The following RCSD1 variants were observed in gnomAD, a reference collection of about 807,000 sequenced individuals.
The protein encoded by RCSD1 is RCSD domain containing 1.
A neutral mutation model predicts 42.5 loss-of-function variants in RCSD1; 26 were observed. The observed-to-expected ratio is 0.61, with a 90% CI of 0.45 to 0.85. RCSD1 has a LOEUF of 0.85. RCSD1 is among the 40% of genes least tolerant of loss of function. RCSD1 has a pLI of 0.00. For synonymous variants in RCSD1, 220 were observed against 212.2 expected, an observed-to-expected ratio of 1.04 and a Z score of -0.32; for missense variants, 571 against 528.3, an observed-to-expected ratio of 1.08 and a Z score of -0.79.
At chr1:167,678,297 C>T (rs1269152030) in intron 1 of RCSD1, among the ~76,000 whole-genome samples, 4 of 152,164 alleles carry the variant, frequency 2.6e-5, no homozygotes, top group Non-Finnish European at 5.9e-5. Flanking sequence ...ATATATTCAA[C>T]CTCCTGCATT....
intron 5 of RCSD1, among the ~76,000 whole-genome samples, chr1:167,695,709 AG>A (rs1209613850): frequency 1.3e-5 from 2 of 151,994 alleles, no homozygotes; most frequent in East Asian, 3.9e-4. Context: ...TTGTAGAGAC[AG>A]GGTTTTGCCA....
Position 167,683,996 on chromosome 1 carries a change from A to G in RCSD1, c.103A>G (p.Lys35Glu). The G allele has an allele frequency of 6.2e-7, 1 of 1,613,140 alleles. No individual in the cohort carries two copies. The highest frequency in any genetic ancestry group is 2.2e-5 in the East Asian group (1 of 44,864). ...GRFREQAAAA[K>E]ETPASKPTRR... ...GTTTAGGGAGCAGGCGGCTGCAGCCAAGGAGGTGAGTCAGGCCGCTTCAGA... is the reference window on the plus strand; with the variant it reads ...GTTTAGGGAGCAGGCGGCTGCAGCCGAGGAGGTGAGTCAGGCCGCTTCAGA... The change falls in exon 2 of 7, where the codon AAG becomes GAG. Residue 35 changes from lysine to glutamate, a missense_variant. Physicochemically the swap from Lys to Glu is moderately conservative, Grantham distance 56. Coordinates refer to ENST00000367854, the MANE Select transcript of RCSD1 (RefSeq NM_052862.4).
chr1:167,693,413 C>T (rs1473799322), intron 4 of RCSD1, among the ~76,000 whole-genome samples: 1 of 152,224 alleles, frequency 6.6e-6, no homozygotes, highest in East Asian at 1.9e-4. Context: ...ATTTGGCTGC[C>T]TTTCATTTTG....
chr1:167,637,237 A>T (rs1488069496), intron 1 of RCSD1, among the ~76,000 whole-genome samples: 8 of 152,224 alleles, frequency 5.3e-5, no homozygotes, highest in Admixed American at 5.2e-4. Flanking sequence ...CACGGTGTGC[A>T]TGGGAAATAA....
Position 167,655,294 on chromosome 1 carries a change from C to A in RCSD1, c.6+24865C>A, listed in dbSNP as rs192457270. Among the ~76,000 whole-genome samples, 309 of 152,300 alleles carry A rather than the reference C, an allele frequency of 2.0e-3. 2 individuals are homozygous for A. The highest frequency in any genetic ancestry group is 3.7e-3 in the Admixed American group (57 of 15,296). On this transcript the variant is annotated intron_variant, in intron 1 of 6. Coordinates refer to ENST00000367854, the MANE Select transcript of RCSD1 (RefSeq NM_052862.4). ...AGGGTTGGCCCACAGGAGAGAGGTG[C>A]TTTGCAGAGAGGAAATGGCTCAAAC...
rs1438274313 is a variant in RCSD1, at chr1:167,685,448, A to G, written c.136A>G (p.Lys46Glu). The part of the protein sequence containing the change: ...ETPASKPTRR[K>E]PPCSLPLFPP... ...ACCAGCCAGTAAACCAACCCGAAGG[A>G]AACCGCCCTGTTCCCTCCCCCTGTT... Residue 46 changes from lysine (K) to glutamate (E), a missense_variant, in exon 3 of 7, where the codon AAA (lysine) becomes GAA (glutamate). By Grantham distance (56) the Lys-to-Glu change is moderately conservative. Coordinates refer to ENST00000367854, the MANE Select transcript of RCSD1 (RefSeq NM_052862.4). 6.2e-7 allele frequency: 1 copy of G among 1,613,786 alleles called. No individual in the cohort carries two copies. The highest frequency in any genetic ancestry group is 8.5e-7 in the Non-Finnish European group (1 of 1,179,886).
At chr1:167,644,154 C>T (rs1658071535) in intron 1 of RCSD1, among the ~76,000 whole-genome samples, 1 of 151,956 alleles carries the variant, frequency 6.6e-6, no homozygotes, top group South Asian at 2.1e-4. Context: ...CCAAAACCTG[C>T]AAGAAAAAGG....
intron 1 of RCSD1, among the ~76,000 whole-genome samples, chr1:167,673,555 A>G (rs749694512): frequency 1.3e-5 from 2 of 152,182 alleles, no homozygotes; most frequent in Non-Finnish European, 2.9e-5. Flanking sequence ...ACAATGACAC[A>G]GGTATTGCCC....
rs760308197 is a variant in RCSD1, at chr1:167,685,494, G to C, written c.182G>C (p.Gly61Ala). 1.2e-6 allele frequency: 2 copies of C among 1,613,874 alleles called. No individual in the cohort carries two copies. The highest frequency in any genetic ancestry group is 1.7e-6 in the Non-Finnish European group (2 of 1,179,874). The change falls in exon 3 of 7, where the codon GGC becomes GCC. Residue 61 changes from glycine to alanine, a missense_variant. Gly to Ala is a moderately conservative substitution (Grantham distance 60, BLOSUM62 0). Transcript: ENST00000367854. ...CTGTTCCCCCCCAAGGTAGACCTGG[G>C]CCAGAATGGTGAGGAGGTAAGTGCT... ...LPLFPPKVDL[G>A]QNGEEKSPPN...
chr1:167,690,081 A>G lies in RCSD1; in HGVS notation c.231A>G (p.Lys77=), dbSNP rs1410710871. 2 of 1,614,120 alleles carry G rather than the reference A, an allele frequency of 1.2e-6. No individual in the cohort carries two copies. The highest frequency in any genetic ancestry group is 1.7e-5 in the Admixed American group (1 of 60,014). Residue 77 remains lysine, a synonymous_variant, in exon 4 of 7, where the codon AAA becomes AAG. Coordinates refer to ENST00000367854, the MANE Select transcript of RCSD1 (RefSeq NM_052862.4). ...KSPPNASHPP[K]FKVKSSPLIE... ...CACCCAATGCGAGCCACCCTCCTAA[A>G]TTCAAGGTCAAGAGCTCGCCTCTGA...
chr1:167,657,317 T>A (rs1658445638), intron 1 of RCSD1, among the ~76,000 whole-genome samples: 1 of 152,146 alleles, frequency 6.6e-6, no homozygotes, highest in African/African-American at 2.4e-5. Flanking sequence ...CTAAAGAAAA[T>A]CACCTATGTT....
intron 1 of RCSD1, among the ~76,000 whole-genome samples, chr1:167,634,518 TG>T (rs1558069113): frequency 6.6e-6 from 1 of 152,212 alleles, no homozygotes; most frequent in South Asian, 2.1e-4. Context: ...GTAATGCTAT[TG>T]TGGATAGGAA....
chr1:167,694,248 G>A lies in RCSD1; in HGVS notation c.420G>A (p.Val140=), dbSNP rs374261400. The A allele has an allele frequency of 6.2e-7, 1 of 1,614,080 alleles. No homozygotes were observed. Among genetic ancestry groups the A allele is most frequent in the East Asian group, 2.2e-5 (1 of 44,892 alleles). The stretch of plus-strand genomic sequence containing the variant: ...CTAGGCCCAGCGAGGCAGAGGAGGT[G>A]CCTGTCAGCTTCGACCAGCCCCCTG... ...VRSRPSEAEE[V]PVSFDQPPEG... is the part of the protein sequence containing the mutation. The change falls in exon 5 of 7, where the codon GTG becomes GTA. Residue 140 remains valine (V), a synonymous_variant. Coordinates refer to ENST00000367854, the MANE Select transcript of RCSD1 (RefSeq NM_052862.4).
At chr1:167,671,117 G>C (rs1658796854) in intron 1 of RCSD1, among the ~76,000 whole-genome samples, 2 of 152,186 alleles carry the variant, frequency 1.3e-5, no homozygotes, top group Admixed American at 6.5e-5. Context: ...CTGCTCTGAT[G>C]AATCCCTAGC....
At position 167,697,822 on chromosome 1, in the gene RCSD1, C is replaced by G. The variant is rs1252874480; in HGVS notation, c.1198C>G (p.Pro400Ala). Residue 400 changes from proline to alanine, a missense_variant, in exon 6 of 7, where the codon CCA becomes GCA. Transcript: ENST00000367854. ...LETSSEVQSE[P>A]AVPKPEDDTP... ...GACCAGCAGTGAGGTCCAGAGCGAG[C>G]CAGCAGTCCCCAAGCCGGAGGTAGG... 1 of 1,465,692 alleles carries G rather than the reference C, an allele frequency of 6.8e-7. No homozygotes were observed. Among genetic ancestry groups the G allele is most frequent in the Admixed American group, 2.8e-5 (1 of 35,536 alleles). The allele number at this position is 1,465,692 out of a possible 1,614,324, so 90.8% of individuals were successfully genotyped here.
chr1:167,658,371 T>G (rs1658468131), intron 1 of RCSD1, among the ~76,000 whole-genome samples: 1 of 152,236 alleles, frequency 6.6e-6, no homozygotes, highest in Admixed American at 6.5e-5. Context: ...ATCTGCATCT[T>G]ACAATTCTCA....
In RCSD1 at chr1:167,689,480, CA is replaced by C. The variant is rs757551808; in HGVS notation, c.199-552del. Among the ~76,000 whole-genome samples the C allele has an allele frequency of 7.5e-3, 626 of 82,914 alleles. 9 individuals are homozygous for C. Among genetic ancestry groups the C allele is most frequent in the African/African-American group, 5.1e-3 (99 of 19,362 alleles). The allele number at this position is 82,914 out of a possible 152,430, so 54.4% of individuals were successfully genotyped here. On this transcript the variant is annotated intron_variant, in intron 3 of 6. Transcript: ENST00000367854. ...TTGAGGAACAAGCAGGACTCTGTCT[CA>C]AAAAAAAAAAAAAAAAGAAAAGAAA...
chr1:167,679,143 A>G (rs1371376167), intron 1 of RCSD1, among the ~76,000 whole-genome samples: 1 of 152,252 alleles, frequency 6.6e-6, no homozygotes, highest in Non-Finnish European at 1.5e-5. Flanking sequence ...CAGTAAAGGC[A>G]TAGAGTTAGT....
intron 6 of RCSD1, among the ~76,000 whole-genome samples, chr1:167,704,316 G>T (rs1451669711): frequency 6.6e-6 from 1 of 152,134 alleles, no homozygotes; most frequent in Non-Finnish European, 1.5e-5. Context: ...TCAAGGGTGG[G>T]CAGGGTCACT....
Sources: gnomAD v4.1 joint callset for allele counts (sites outside exome capture counted in the v4.1 genomes callset) on GRCh38, gnomAD v4.1.1 for gene constraint, MANE v1.5 for transcripts, NCBI Gene and HGNC (gene_info 2026-07-23, HGNC 2026-07-21) for gene names.